The following H2AZ2 variants were observed in gnomAD, a reference collection of about 807,000 sequenced individuals.
The protein encoded by H2AZ2 is H2A.Z variant histone 2.
H2AZ2 carries 5 observed loss-of-function variants against 15.5 expected under a neutral mutation model. The ratio of observed to expected loss-of-function variants is 0.32; its 90% CI spans 0.17 to 0.68. H2AZ2 has a LOEUF of 0.68. Among genes scored for constraint, H2AZ2 ranks in the 30% least tolerant of loss-of-function variants. H2AZ2 has a pLI of 0.72. For missense variants in H2AZ2, 42 were observed against 162.5 expected, an observed-to-expected ratio of 0.26 and a Z score of 4.03; for synonymous variants, 44 against 57.4, an observed-to-expected ratio of 0.77 and a Z score of 1.05.
Position 44,832,197 on chromosome 7 carries a change from TA to T in H2AZ2, c.*2303del, listed in dbSNP as rs911108139. ...ATCTTGACTCGAATAAACCAACTGT[TA>T]AAAAAAACTTACGAGACAATCAGGA... On this transcript the variant is annotated 3_prime_UTR_variant, in exon 5 of 5. Transcript: ENST00000308153. Among the ~76,000 whole-genome samples the T allele has an allele frequency of 6.6e-6, 1 of 152,032 alleles. No homozygotes were observed. The highest frequency in any genetic ancestry group is 1.9e-4 in the East Asian group (1 of 5,176).
At position 44,833,162 on chromosome 7, in the gene H2AZ2, C is replaced by A. The variant is rs1793032185; in HGVS notation, c.*1339G>T. Among the ~76,000 whole-genome samples, 1 of 151,836 alleles carries A rather than the reference C, an allele frequency of 6.6e-6. No individual in the cohort carries two copies. The highest frequency in any genetic ancestry group is 2.1e-4 in the South Asian group (1 of 4,814). ...TCCTGGGTTCAAGTGATTTTTTGTGCCCCAGTGCCCCAAGTAGTTGGGACA... is the reference window on the plus strand; with the variant it reads ...TCCTGGGTTCAAGTGATTTTTTGTGACCCAGTGCCCCAAGTAGTTGGGACA... On this transcript the variant is annotated 3_prime_UTR_variant, in exon 5 of 5. Transcript: ENST00000308153.
chr7:44,847,492 A>G (rs963642266), intron 1 of H2AZ2, among the ~76,000 whole-genome samples: 11 of 152,210 alleles, frequency 7.2e-5, no homozygotes, highest in African/African-American at 2.7e-4. Context: ...TTGTCGCTCA[A>G]AAGACCACAA....
At position 44,832,760 on chromosome 7, in the gene H2AZ2, C is replaced by G. The variant is rs116740756; in HGVS notation, c.*1741G>C. 0.016 allele frequency among the ~76,000 whole-genome samples: 2,414 copies of G among 152,128 alleles called. 71 individuals are homozygous for G. The highest frequency in any genetic ancestry group is 0.056 in the African/African-American group (2,305 of 41,486). On this transcript the variant is annotated 3_prime_UTR_variant, in exon 5 of 5. Transcript: ENST00000308153. ...GCCAGGAGTTCAATACCAACCTGGG[C>G]AACATAGGGAGACCTCTGTCTCTTA...
chr7:44,846,744 A>G (rs1793421599), intron 1 of H2AZ2, among the ~76,000 whole-genome samples: 1 of 152,104 alleles, frequency 6.6e-6, no homozygotes, highest in Admixed American at 6.5e-5. Context: ...GCTGTACCTC[A>G]GTTTGATAAA....
chr7:44,847,860 G>A (rs1793453303), intron 1 of H2AZ2, 109 bp downstream of exon 1: 5 of 1,453,410 alleles, frequency 3.4e-6, no homozygotes, highest in Non-Finnish European at 4.6e-6. Flanking sequence ...GCCGGACGAA[G>A]CCCAGACACC....
chr7:44,827,553 G>A (rs1411235588), downstream of H2AZ2: 2 of 152,208 alleles, frequency 1.3e-5, no homozygotes, highest in Non-Finnish European at 2.9e-5. Context: ...GTGTTGAGAT[G>A]TTAGCTGTAC....
chr7:44,841,069 G>T, intron 2 of H2AZ2, 57 bp from the exon 3 acceptor site: 2 of 1,247,632 alleles, frequency 1.6e-6, no homozygotes, highest in Non-Finnish European at 2.3e-6. Context: ...TGCACTGACT[G>T]TAATCAAAGG....
intron 1 of H2AZ2, among the ~76,000 whole-genome samples, chr7:44,845,228 T>G (rs771178034): frequency 1.3e-5 from 2 of 152,106 alleles, no homozygotes; most frequent in African/African-American, 4.8e-5. Context: ...CCCTGGCAGG[T>G]ATCAGAAACA....
At chr7:44,827,403 CT>C (rs1485806383), downstream of H2AZ2, 1 of 152,116 alleles carries the variant, frequency 6.6e-6, no homozygotes, top group Non-Finnish European at 1.5e-5. Flanking sequence ...TAAAGGACTC[CT>C]CGTGAAGAGC....
At chr7:44,844,259 T>C (rs1355138203) in intron 1 of H2AZ2, among the ~76,000 whole-genome samples, 1 of 152,228 alleles carries the variant, frequency 6.6e-6, no homozygotes, top group African/African-American at 2.4e-5. Flanking sequence ...AATGGAATAG[T>C]ATTCAGCTTT....
Position 44,834,370 on chromosome 7 carries a change from T to C in H2AZ2, c.*131A>G. 7.4e-7 allele frequency: 1 copy of C among 1,352,256 alleles called. No homozygotes were observed. The allele number at this position is 1,352,256 out of a possible 1,614,324, so 83.8% of individuals were successfully genotyped here. ...TCTAAGAACATACAAATGTTTCTTT[T>C]ATCATGTCTACAGTAATTGTCTATG... is the stretch of plus-strand genomic sequence containing the variant. On this transcript the variant is annotated 3_prime_UTR_variant, in exon 5 of 5. Transcript: ENST00000308153.
Position 44,832,461 on chromosome 7 carries a change from G to C in H2AZ2, c.*2040C>G, listed in dbSNP as rs910260839. ...ACTGACCACAGGACAGCTGTTGGAG[G>C]ATGGGTACACAGAGCTTCATTCTGC... On this transcript the variant is annotated 3_prime_UTR_variant, in exon 5 of 5. Coordinates refer to ENST00000308153, the MANE Select transcript of H2AZ2 (RefSeq NM_012412.5). 6.6e-6 allele frequency among the ~76,000 whole-genome samples: 1 copy of C among 152,168 alleles called. No individual in the cohort carries two copies. The highest frequency in any genetic ancestry group is 1.5e-5 in the Non-Finnish European group (1 of 68,034).
intron 1 of H2AZ2, among the ~76,000 whole-genome samples, chr7:44,847,367 T>C (rs1037840996): frequency 2.6e-5 from 4 of 152,208 alleles, no homozygotes; most frequent in African/African-American, 9.6e-5. Context: ...AGGAAAGTAC[T>C]GTTGTATAAT....
At chr7:44,837,217 A>G (rs1793146851) in intron 3 of H2AZ2, among the ~76,000 whole-genome samples, 1 of 151,770 alleles carries the variant, frequency 6.6e-6, no homozygotes, top group Non-Finnish European at 1.5e-5. Context: ...CTCGTTTTAA[A>G]TAGAGCAGTG....
intron 3 of H2AZ2, among the ~76,000 whole-genome samples, chr7:44,836,018 G>A (rs1219039733): frequency 6.8e-6 from 1 of 146,022 alleles, no homozygotes; most frequent in Non-Finnish European, 1.5e-5. Flanking sequence ...GGAGTGCAGT[G>A]GTGTGATCTT....
chr7:44,835,715 G>A (rs1034897425), intron 3 of H2AZ2, 57 bp from the exon 4 acceptor site: 2 of 1,472,868 alleles, frequency 1.4e-6, no homozygotes, highest in African/African-American at 2.8e-5. Flanking sequence ...CCAAATGAAG[G>A]ATCACTTAGC....
Position 44,834,250 on chromosome 7 carries a change from A to C in H2AZ2, c.*251T>G. ...AAATTAATTTTGTAAAAAATGGTTT[A>C]TCAATTCCATTTTTGTATAAAACAC... On this transcript the variant is annotated 3_prime_UTR_variant, in exon 5 of 5. Transcript: ENST00000308153. The C allele has an allele frequency of 1.6e-6, 2 of 1,235,608 alleles. No individual in the cohort carries two copies. Among genetic ancestry groups the C allele is most frequent in the Non-Finnish European group, 2.0e-6 (2 of 986,182 alleles). 76.5% of individuals were successfully genotyped at this position (1,235,608 alleles called of 1,614,324 possible). A position where few individuals can be genotyped will look rare whatever the true frequency, so the allele number is the denominator to read the frequency against.
In H2AZ2 at chr7:44,837,433, G is replaced by GA. The variant is rs71011996; in HGVS notation, c.196-1776dup. ...GCAAGACTCTCAAAAAAAAAAAAAAGAAAAAAAAAAAAAAAAAAAAAGTTG... is the reference window on the plus strand; with the variant it reads ...GCAAGACTCTCAAAAAAAAAAAAAAGAAAAAAAAAAAAAAAAAAAAAAGTTG... On this transcript the variant is annotated intron_variant, in intron 3 of 4. Coordinates refer to ENST00000308153, the MANE Select transcript of H2AZ2 (RefSeq NM_012412.5). 1.2e-3 allele frequency among the ~76,000 whole-genome samples: 109 copies of GA among 87,288 alleles called. 1 individual carries two copies. Among genetic ancestry groups the GA allele is most frequent in the Admixed American group, 4.6e-3 (29 of 6,252 alleles). The allele number at this position is 87,288 out of a possible 152,430, so 57.3% of individuals were successfully genotyped here.
At chr7:44,847,576 TTATC>T (rs1379486441) in intron 1 of H2AZ2, among the ~76,000 whole-genome samples, 1 of 152,146 alleles carries the variant, frequency 6.6e-6, no homozygotes, top group Non-Finnish European at 1.5e-5. Flanking sequence ...CGCCAAAGAC[TTATC>T]TAACTTGTAC....
Sources: gnomAD v4.1 joint callset for allele counts (sites outside exome capture counted in the v4.1 genomes callset) on GRCh38, gnomAD v4.1.1 for gene constraint, MANE v1.5 for transcripts, NCBI Gene and HGNC (gene_info 2026-07-23, HGNC 2026-07-21) for gene names.